The following SLC9A9 variants were observed in gnomAD, a reference collection of about 807,000 sequenced individuals.
SLC9A9 encodes sodium/hydrogen exchanger 9.
SLC9A9 carries 62 observed loss-of-function variants against 77.8 expected under a neutral mutation model. That is an observed-to-expected ratio of 0.80 (90% CI 0.65 to 0.98). The LOEUF (loss-of-function observed/expected upper bound fraction) is 0.98, where lower values mean the gene tolerates loss of function less well. Among genes scored for constraint, SLC9A9 ranks in the 50% least tolerant of loss-of-function variants. The pLI is 0.00. For synonymous variants in SLC9A9, 320 were observed against 283.5 expected, an observed-to-expected ratio of 1.13 and a Z score of -1.29; for missense variants, 775 against 774.9, an observed-to-expected ratio of 1.00 and a Z score of 0.00.
chr3:143,498,343 T>G (rs915274823), intron 9 of SLC9A9, among the ~76,000 whole-genome samples: 6 of 152,048 alleles, frequency 3.9e-5, no homozygotes, highest in African/African-American at 1.4e-4. Context: ...TTTTGCATGT[T>G]TAAAGAAATG....
intron 2 of SLC9A9, among the ~76,000 whole-genome samples, chr3:143,809,099 G>A (rs190136780): frequency 6.6e-6 from 1 of 152,156 alleles, no homozygotes; most frequent in African/African-American, 2.4e-5. Flanking sequence ...ATATTTGAAA[G>A]TTTTTAGCAT....
intron 14 of SLC9A9, among the ~76,000 whole-genome samples, chr3:143,269,514 T>C (rs962092532): frequency 2.0e-5 from 3 of 152,344 alleles, no homozygotes; most frequent in South Asian, 4.1e-4. Flanking sequence ...TACAAAATTA[T>C]GTAAATAAGT....
chr3:143,692,763 A>G (rs1933510270), intron 5 of SLC9A9, among the ~76,000 whole-genome samples: 1 of 152,176 alleles, frequency 6.6e-6, no homozygotes, highest in Non-Finnish European at 1.5e-5. Context: ...TGGAAGAAGA[A>G]TAATTTTCTT....
chr3:143,344,925 T>G (rs2032215977), intron 14 of SLC9A9, among the ~76,000 whole-genome samples: 4 of 152,218 alleles, frequency 2.6e-5, no homozygotes. Context: ...ATCGTAAGAT[T>G]CTGAAGTATT....
chr3:143,586,704 C>T (rs936660075), intron 6 of SLC9A9, among the ~76,000 whole-genome samples: 1 of 152,200 alleles, frequency 6.6e-6, no homozygotes, highest in African/African-American at 2.4e-5. Flanking sequence ...TTCGTTCTGG[C>T]ATCTCCCTGC....
At chr3:143,695,501 C>A (rs1272701600) in intron 4 of SLC9A9, among the ~76,000 whole-genome samples, 1 of 152,144 alleles carries the variant, frequency 6.6e-6, no homozygotes, top group African/African-American at 2.4e-5. Flanking sequence ...CATGTCCCTG[C>A]AAGGGACATG....
At chr3:143,700,189 C>T (rs1315014145) in intron 4 of SLC9A9, among the ~76,000 whole-genome samples, 1 of 152,086 alleles carries the variant, frequency 6.6e-6, no homozygotes, top group Admixed American at 6.6e-5. Flanking sequence ...CAACAATACC[C>T]ATGTAGCATG....
intron 4 of SLC9A9, among the ~76,000 whole-genome samples, chr3:143,714,744 T>C (rs1934287382): frequency 6.6e-6 from 1 of 152,186 alleles, no homozygotes; most frequent in Admixed American, 6.5e-5. Context: ...ATGAACTTGC[T>C]CTCTGGCTTT....
At chr3:143,393,708 A>G (rs1379146056) in intron 12 of SLC9A9, among the ~76,000 whole-genome samples, 1 of 152,112 alleles carries the variant, frequency 6.6e-6, no homozygotes, top group African/African-American at 2.4e-5. Context: ...CGCTAGCAAG[A>G]CTAATAAAGA....
At chr3:143,829,144 C>T (rs372730170) in intron 2 of SLC9A9, among the ~76,000 whole-genome samples, 2 of 152,176 alleles carry the variant, frequency 1.3e-5, no homozygotes, top group East Asian at 1.9e-4. Context: ...TTAATGAGGT[C>T]GGGTCTCTTT....
chr3:143,563,773 A>T (rs1178116033), intron 8 of SLC9A9, among the ~76,000 whole-genome samples: 1 of 152,186 alleles, frequency 6.6e-6, no homozygotes, highest in African/African-American at 2.4e-5. Flanking sequence ...AACTCTGGCA[A>T]GCATTGCTCT....
At chr3:143,278,663 T>C (rs139752757) in intron 14 of SLC9A9, among the ~76,000 whole-genome samples, 10 of 151,134 alleles carry the variant, frequency 6.6e-5, no homozygotes, top group African/African-American at 2.4e-4. Flanking sequence ...AAACCAGTGA[T>C]GTCAGCTTAG....
chr3:143,718,115 C>T (rs983460333), intron 4 of SLC9A9, among the ~76,000 whole-genome samples: 2 of 151,306 alleles, frequency 1.3e-5, no homozygotes, highest in African/African-American at 2.4e-5. Context: ...GATAGTGCAT[C>T]CCACCTAAGC....
At chr3:143,767,586 C>T (rs2007367760) in intron 4 of SLC9A9, among the ~76,000 whole-genome samples, 1 of 151,978 alleles carries the variant, frequency 6.6e-6, no homozygotes, top group South Asian at 2.1e-4. Flanking sequence ...ACCATAGACT[C>T]CTTGGTTTCT....
At chr3:143,371,651 C>A (rs2033061535) in intron 13 of SLC9A9, among the ~76,000 whole-genome samples, 1 of 151,686 alleles carries the variant, frequency 6.6e-6, no homozygotes, top group South Asian at 2.1e-4. Context: ...GACAAAGAGA[C>A]AATAAAAACA....
intron 5 of SLC9A9, among the ~76,000 whole-genome samples, chr3:143,657,203 G>C (rs558143829): frequency 1.3e-5 from 2 of 152,092 alleles, no homozygotes; most frequent in Admixed American, 1.3e-4. Flanking sequence ...AGTTACATGA[G>C]AGAAACAATG....
intron 5 of SLC9A9, among the ~76,000 whole-genome samples, chr3:143,676,613 T>C (rs769324719): frequency 1.1e-4 from 17 of 152,060 alleles, no homozygotes; most frequent in Admixed American, 7.9e-4. Flanking sequence ...GGCGTGTGTC[T>C]GTAGTTACAG....
intron 8 of SLC9A9, among the ~76,000 whole-genome samples, chr3:143,572,696 A>G (rs1222405423): frequency 1.3e-5 from 2 of 152,244 alleles, no homozygotes; most frequent in Non-Finnish European, 2.9e-5. Context: ...AGTCTTGATT[A>G]TAGTGTCATA....
intron 5 of SLC9A9, among the ~76,000 whole-genome samples, chr3:143,661,481 T>C (rs1175511178): frequency 1.3e-5 from 2 of 152,104 alleles, no homozygotes; most frequent in African/African-American, 4.8e-5. Flanking sequence ...ACCCTTCCTG[T>C]CTCTCCAAGT....
Sources: gnomAD v4.1 joint callset for allele counts (sites outside exome capture counted in the v4.1 genomes callset) on GRCh38, gnomAD v4.1.1 for gene constraint, MANE v1.5 for transcripts, NCBI Gene and HGNC (gene_info 2026-07-23, HGNC 2026-07-21) for gene names.